The following DIDO1 variants were observed in gnomAD, a reference collection of about 807,000 sequenced individuals.
DIDO1 encodes the protein death inducer-obliterator 1.
Under a neutral mutation model 99.4 loss-of-function variants are expected in DIDO1, and 16 were observed. The observed-to-expected ratio is 0.16, with a 90% CI of 0.11 to 0.24. The LOEUF is 0.24. Among genes scored for constraint, DIDO1 ranks in the 10% least tolerant of loss-of-function variants. The pLI is 1.00. For synonymous variants in DIDO1, 1,366 were observed against 1,239.1 expected (o/e 1.10, Z -2.15); for missense variants, 2,996 against 3,014.0 (o/e 0.99, Z 0.14).
intron 6 of DIDO1, among the ~76,000 whole-genome samples, chr20:62,899,706 G>A (rs1157338736): frequency 6.6e-6 from 1 of 152,198 alleles, no homozygotes; most frequent in Non-Finnish European, 1.5e-5. Context: ...TCCCTCATCT[G>A]TGCTTTAAAG....
chr20:62,928,072 C>T (rs774162626), upstream of DIDO1, among the ~76,000 whole-genome samples: 1 of 152,196 alleles, frequency 6.6e-6, no homozygotes, highest in East Asian at 1.9e-4. Context: ...GAGGCTCTCT[C>T]TAAATCCAAC....
intron 15 of DIDO1, chr20:62,889,557 T>G (rs1166887467): frequency 1.0e-6 from 1 of 985,310 alleles, no homozygotes; most frequent in African/African-American, 1.7e-5. Flanking sequence ...CTGCACTGAG[T>G]GCACACACTG....
chr20:62,879,296 G>C lies in DIDO1; in HGVS notation c.6660C>G (p.Ser2220Arg). 6.3e-7 allele frequency: 1 copy of C among 1,577,764 alleles called. No homozygotes were observed. Among genetic ancestry groups the C allele is most frequent in the Middle Eastern group, 1.7e-4 (1 of 6,012 alleles). Residue 2220 changes from serine (S) to arginine (R), a missense_variant, in exon 16 of 16, where the codon AGC (serine) becomes AGG (arginine). Physicochemically the swap from Ser to Arg is moderately radical, Grantham distance 110 (BLOSUM62 -1). Transcript: ENST00000395343. The surrounding 1 kb of genome is among the most constrained non-coding windows in gnomAD (Gnocchi z 6.3). The part of the protein sequence containing the change: ...DRKDRSKSKE[S>R]ARDPKPEASR... ...AGGCCTCGGGCTTCGGGTCCCGAGC[G>C]CTCTCTTTGCTCTTGCTCCGGTCCT...
Position 62,881,897 on chromosome 20 carries a change from C to G in DIDO1, c.4059G>C (p.Gly1353=). The stretch of plus-strand genomic sequence containing the variant: ...GATCTAACAACGGAGGTGCCGGCAC[C>G]CCGTCCTCTGCTGTGGTTTTGGGCT... The part of the protein sequence containing the change: ...PQEPKTTAED[G]VPAPPLLDPI... The change falls in exon 16 of 16, where the codon GGG becomes GGC. Residue 1353 remains glycine (G), a synonymous_variant. Coordinates refer to ENST00000395343, the MANE Select transcript of DIDO1 (RefSeq NM_001193369.2). The surrounding 1 kb of genome is among the most constrained non-coding windows in gnomAD (Gnocchi z 8.3). 1 of 1,613,476 alleles carries G rather than the reference C, an allele frequency of 6.2e-7. No individual in the cohort carries two copies. Among genetic ancestry groups the G allele is most frequent in the Non-Finnish European group, 8.5e-7 (1 of 1,180,026 alleles).
In DIDO1 at chr20:62,911,244, G is replaced by A. The variant is rs774794007; in HGVS notation, c.369C>T (p.Ser123=). The A allele has an allele frequency of 4.3e-5, 69 of 1,613,214 alleles. No individual in the cohort carries two copies. The highest frequency in any genetic ancestry group is 5.7e-5 in the Non-Finnish European group (67 of 1,180,030). ...GSVESASETR[S]GPQSASTAVK... ...CAGCTGTGGAAGCAGACTGGGGGCC[G>A]CTTCTGGTCTCAGAAGCGCTTTCCA... The change falls in exon 3 of 16, where the codon AGC becomes AGT. Residue 123 remains serine (S), a synonymous_variant. Transcript: ENST00000395343. This position sits in a 1 kb window ranked among gnomAD's most constrained non-coding sequence, Gnocchi z 7.0.
Position 62,896,947 on chromosome 20 carries a change from G to A in DIDO1, c.1638C>T (p.Ala546=). The A allele has an allele frequency of 6.2e-7, 1 of 1,613,422 alleles. No homozygotes were observed. The highest frequency in any genetic ancestry group is 8.5e-7 in the Non-Finnish European group (1 of 1,179,788). The change falls in exon 7 of 16, where the codon GCC becomes GCT. Residue 546 remains alanine (A), a synonymous_variant. Coordinates refer to ENST00000395343, the MANE Select transcript of DIDO1 (RefSeq NM_001193369.2). The surrounding 1 kb of genome is among the most constrained non-coding windows in gnomAD (Gnocchi z 4.4). ...AGCCTGGAGGGGCTGTTTTCTTTGA[G>A]GCTGCCATGGCTGCCGCTTTCTCCT... ...RSEEKAAAMA[A]SKKTAPPGSA...
rs1420946531 is a variant in DIDO1, at chr20:62,881,569, G to A, written c.4387C>T (p.Pro1463Ser). The part of the protein sequence containing the change: ...RRNSVERPAE[P>S]VAGAATPSLV... ...GAGGGCGTCGCAGCCCCGGCCACCG[G>A]CTCGGCAGGCCTCTCCACGGAGTTC... Residue 1463 changes from proline to serine, a missense_variant, in exon 16 of 16, where the codon CCG (proline) becomes TCG (serine). Physicochemically the swap from Pro to Ser is moderately conservative, Grantham distance 74. Coordinates refer to ENST00000395343, the MANE Select transcript of DIDO1 (RefSeq NM_001193369.2). This position sits in a 1 kb window ranked among gnomAD's most constrained non-coding sequence, Gnocchi z 8.3. 6.2e-7 allele frequency: 1 copy of A among 1,611,234 alleles called. No homozygotes were observed. Among genetic ancestry groups the A allele is most frequent in the Admixed American group, 1.7e-5 (1 of 60,028 alleles).
chr20:62,896,875 C>T lies in DIDO1; in HGVS notation c.1710G>A (p.Lys570=), dbSNP rs2147419320. 6.2e-7 allele frequency: 1 copy of T among 1,614,164 alleles called. No individual in the cohort carries two copies. Among genetic ancestry groups the T allele is most frequent in the Non-Finnish European group, 8.5e-7 (1 of 1,180,036 alleles). ...CTGCTGCCACATTAGCAAAAGAAGA[C>T]TTCTTTGGCACGAGGTTTCTAGGTG... ...QPAPRNLVPK[K]SSFANVAAAT... Residue 570 remains lysine, a synonymous_variant, in exon 7 of 16, where the codon AAG becomes AAA. Transcript: ENST00000395343. This position sits in a 1 kb window ranked among gnomAD's most constrained non-coding sequence, Gnocchi z 4.4.
intron 6 of DIDO1, chr20:62,905,596 C>T (rs903533391): frequency 7.7e-6 from 12 of 1,551,274 alleles, no homozygotes; most frequent in Non-Finnish European, 9.6e-6. Flanking sequence ...GAATACTTAC[C>T]AGAGCCTGAG....
In DIDO1 at chr20:62,906,072, T is replaced by C; in HGVS notation, c.1403A>G (p.Lys468Arg). Residue 468 changes from lysine (K) to arginine (R), a missense_variant, in exon 6 of 16, where the codon AAG (lysine) becomes AGG (arginine). Transcript: ENST00000395343. The stretch of plus-strand genomic sequence containing the variant: ...CTCTTTTTTTTCTGGAGCTGGTCTC[T>C]TGTGCACAGAAGAGATTTTAATACC... ...QAGIKISSVH[K>R]RPAPEKKETT... 1.2e-6 allele frequency: 2 copies of C among 1,612,964 alleles called. No homozygotes were observed. Among genetic ancestry groups the C allele is most frequent in the Non-Finnish European group, 1.7e-6 (2 of 1,179,716 alleles).
chr20:62,921,997 T>TA (rs751348737), intron 1 of DIDO1, among the ~76,000 whole-genome samples: 13 of 149,986 alleles, frequency 8.7e-5, no homozygotes, highest in Non-Finnish European at 1.8e-4. Flanking sequence ...ACAATATATA[T>TA]ACACTATATA....
intron 8 of DIDO1, among the ~76,000 whole-genome samples, chr20:62,895,719 C>T (rs1266252634): frequency 2.0e-5 from 3 of 152,188 alleles, no homozygotes; most frequent in Non-Finnish European, 4.4e-5. Flanking sequence ...CTGTCCTCGT[C>T]GCATGGCCCA....
Position 62,894,911 on chromosome 20 carries a change from T to A in DIDO1, c.2335A>T (p.Met779Leu), listed in dbSNP as rs748455785. The change falls in exon 10 of 16, where the codon ATG becomes TTG. Residue 779 changes from methionine (M) to leucine (L), a missense_variant. Transcript: ENST00000395343. This position sits in a 1 kb window ranked among gnomAD's most constrained non-coding sequence, Gnocchi z 4.4. Reference sequence around the variant, plus strand: ...TTGTGCAGTTTAGTTCTGGACTCCATCACCTGAAATGAAAAAGACGAAACA... The same window carrying A: ...TTGTGCAGTTTAGTTCTGGACTCCAACACCTGAAATGAAAAAGACGAAACA... ...TWKERPARSV[M>L]ESRTKLHNES... 10 of 1,613,334 alleles carry A rather than the reference T, an allele frequency of 6.2e-6. No individual in the cohort carries two copies. The highest frequency in any genetic ancestry group is 1.3e-5 in the African/African-American group (1 of 74,804).
At chr20:62,925,865 A>C (rs933952509) in intron 1 of DIDO1, among the ~76,000 whole-genome samples, 1 of 152,010 alleles carries the variant, frequency 6.6e-6, no homozygotes. Flanking sequence ...GTAAGGACAC[A>C]CTCTTCAGAA....
At chr20:62,903,852 C>T (rs911993976) in intron 6 of DIDO1, among the ~76,000 whole-genome samples, 1 of 152,148 alleles carries the variant, frequency 6.6e-6, no homozygotes, top group Non-Finnish European at 1.5e-5. Flanking sequence ...TGATGTGTGG[C>T]AAAGAAGGGA....
chr20:62,883,565 G>A (rs1467196974), intron 15 of DIDO1, among the ~76,000 whole-genome samples: 2 of 152,110 alleles, frequency 1.3e-5, no homozygotes, highest in East Asian at 1.9e-4. Context: ...GGTGGCTCAC[G>A]CCTGTAATCC....
chr20:62,935,924 G>C (rs185481227), intron 1 of DIDO1, among the ~76,000 whole-genome samples: 6 of 152,348 alleles, frequency 3.9e-5, no homozygotes, highest in African/African-American at 1.4e-4. Context: ...ACACAAAGGA[G>C]CCAGTTTCTA....
At chr20:62,916,697 A>G (rs748871587) in intron 1 of DIDO1, among the ~76,000 whole-genome samples, 3 of 152,126 alleles carry the variant, frequency 2.0e-5, no homozygotes, top group Non-Finnish European at 2.9e-5. Context: ...CTGTTCCCAT[A>G]GAGTGTTTCA....
chr20:62,887,734 C>T (rs2064318657), intron 15 of DIDO1: 2 of 985,504 alleles, frequency 2.0e-6, no homozygotes, highest in Non-Finnish European at 2.4e-6. Flanking sequence ...ACTCATCTCC[C>T]TTCCATGAAC....
Sources: allele counts gnomAD v4.1 joint callset (sites outside exome capture counted in the v4.1 genomes callset), GRCh38; gene constraint gnomAD v4.1.1; non-coding constraint Gnocchi (gnomAD v3.1); transcripts MANE v1.5; gene names NCBI Gene and HGNC (gene_info 2026-07-23, HGNC 2026-07-21).